The following CSMD1 variants were observed in gnomAD, a reference collection of about 807,000 sequenced individuals.
The protein encoded by CSMD1 is CUB and sushi domain-containing protein 1.
CSMD1 carries 213 observed loss-of-function variants against 417.5 expected under a neutral mutation model. That is an observed-to-expected ratio of 0.51 (90% CI 0.46 to 0.57). The LOEUF (loss-of-function observed/expected upper bound fraction) is 0.57. Ranked by LOEUF, CSMD1 falls within the 20% of genes least tolerant of loss-of-function variation. The pLI, the probability that CSMD1 is intolerant of heterozygous loss-of-function variation, is 0.00. For synonymous variants in CSMD1, 2,862 were observed against 1,736.8 expected (o/e 1.65, Z -16.11); for missense variants, 6,923 against 4,529.7 (o/e 1.53, Z -15.17).
At position 4,623,997 on chromosome 8, in the gene CSMD1, C is replaced by A. The variant is rs1472525369; in HGVS notation, c.302+13345G>T. On this transcript the variant is annotated intron_variant, in intron 2 of 69. Transcript: ENST00000635120. ...GCACTTTATTGGTTACTAAATATAC[C>A]TTTAAATGTGAATAATTGTAACTAA... 7.2e-5 allele frequency among the ~76,000 whole-genome samples: 11 copies of A among 151,992 alleles called. No homozygotes were observed. The East Asian group carries it at 1.7e-3, about 24-fold the overall frequency.
intron 3 of CSMD1, among the ~76,000 whole-genome samples, chr8:4,339,060 T>C (rs766179131): frequency 1.1e-4 from 17 of 152,086 alleles, no homozygotes; most frequent in Non-Finnish European, 2.4e-4. Flanking sequence ...CCGGGAACTA[T>C]TGCTTGGGTA....
chr8:4,806,821 A>T (rs760213219), intron 1 of CSMD1, among the ~76,000 whole-genome samples: 21 of 152,164 alleles, frequency 1.4e-4, no homozygotes, highest in Non-Finnish European at 2.9e-4. Flanking sequence ...AATTTGAGGG[A>T]AGCAGTAAAA....
chr8:4,520,192 G>A (rs546996323), intron 2 of CSMD1, among the ~76,000 whole-genome samples: 1 of 152,104 alleles, frequency 6.6e-6, no homozygotes, highest in Non-Finnish European at 1.5e-5. Context: ...TCATAAAAAT[G>A]CAATATCGTG....
At chr8:3,671,000 G>T (rs111205008) in intron 7 of CSMD1, among the ~76,000 whole-genome samples, 1,239 of 109,640 alleles carry the variant, frequency 0.011, 121 homozygotes, top group African/African-American at 0.042. Context: ...GGATATATAT[G>T]TATGGGATAT....
intron 3 of CSMD1, among the ~76,000 whole-genome samples, chr8:4,222,842 C>A (rs933561526): frequency 4.6e-5 from 7 of 152,000 alleles, no homozygotes; most frequent in African/African-American, 1.7e-4. Context: ...GCTGAAAATA[C>A]CATGAGGACA....
At chr8:4,901,321 A>T (rs1176010894) in intron 1 of CSMD1, among the ~76,000 whole-genome samples, 1 of 152,218 alleles carries the variant, frequency 6.6e-6, no homozygotes, top group Admixed American at 6.5e-5. Flanking sequence ...TGTCATCTGA[A>T]CACAAAATTT....
intron 3 of CSMD1, among the ~76,000 whole-genome samples, chr8:4,091,877 G>C (rs139252613): frequency 2.0e-5 from 3 of 152,118 alleles, no homozygotes; most frequent in Non-Finnish European, 4.4e-5. Context: ...ATTAGACTCC[G>C]CATTGTAAGA....
chr8:4,883,016 C>T (rs1803509688), intron 1 of CSMD1, among the ~76,000 whole-genome samples: 1 of 152,054 alleles, frequency 6.6e-6, no homozygotes, highest in Admixed American at 6.5e-5. Context: ...GCTGAGAGCT[C>T]CTTTCCACAA....
At chr8:3,704,905 G>A (rs941783708) in intron 7 of CSMD1, 19 of 152,222 alleles carry the variant, frequency 1.2e-4, no homozygotes, top group African/African-American at 4.6e-4. Flanking sequence ...ACTTTGGGTG[G>A]ATCTGATATA....
At chr8:3,774,988 C>T (rs530314242) in intron 5 of CSMD1, among the ~76,000 whole-genome samples, 4 of 151,896 alleles carry the variant, frequency 2.6e-5, no homozygotes, top group South Asian at 2.1e-4. Context: ...GACACAGGGG[C>T]GATTCCCACT....
intron 1 of CSMD1, among the ~76,000 whole-genome samples, chr8:4,874,395 T>TTG (rs1463877583): frequency 6.7e-6 from 1 of 149,924 alleles, no homozygotes; most frequent in Non-Finnish European, 1.5e-5. Context: ...TGTATTTTTT[T>TTG]TTTTTTTTTT....
chr8:4,621,940 T>G (rs1801801527), intron 2 of CSMD1, among the ~76,000 whole-genome samples: 1 of 152,030 alleles, frequency 6.6e-6, no homozygotes, highest in East Asian at 1.9e-4. Flanking sequence ...TACTACCATT[T>G]TAATTGATGC....
chr8:3,661,940 G>C (rs888435033), intron 7 of CSMD1, among the ~76,000 whole-genome samples: 1 of 152,188 alleles, frequency 6.6e-6, no homozygotes, highest in Non-Finnish European at 1.5e-5. Context: ...GTAAGATTGA[G>C]GGAAGAGAGA....
At chr8:4,761,903 CTAT>C (rs1812122486) in intron 1 of CSMD1, among the ~76,000 whole-genome samples, 2 of 98,234 alleles carry the variant, frequency 2.0e-5, no homozygotes, top group South Asian at 3.6e-4. Context: ...ACCTATCTAT[CTAT>C]CTATCAATCT....
intron 26 of CSMD1, among the ~76,000 whole-genome samples, chr8:3,248,598 C>G (rs187913181): frequency 3.6e-5 from 5 of 138,588 alleles, no homozygotes; most frequent in African/African-American, 1.3e-4. Context: ...GGCGCGATCT[C>G]AGCTCACTGC....
intron 3 of CSMD1, among the ~76,000 whole-genome samples, chr8:4,253,185 C>T (rs570783078): frequency 5.3e-5 from 8 of 152,150 alleles, no homozygotes; most frequent in African/African-American, 1.7e-4. Context: ...CTGGTCTATT[C>T]TCCTCTTCTA....
chr8:3,768,195 A>C (rs905741972), intron 5 of CSMD1, among the ~76,000 whole-genome samples: 5 of 152,164 alleles, frequency 3.3e-5, no homozygotes, highest in African/African-American at 1.2e-4. Flanking sequence ...ATCTTTAGGA[A>C]GAGTGGTTCC....
chr8:3,558,055 CTGA>C (rs34002407), intron 10 of CSMD1, among the ~76,000 whole-genome samples: 4,212 of 146,874 alleles, frequency 0.029, 208 homozygotes, highest in African/African-American at 0.1. Context: ...GTCCACTCCT[CTGA>C]TGATGAATAG....
rs201300571 is a variant in CSMD1 at position 3,396,261 on chromosome 8, G to A, written c.2526C>T (p.Asn842=). The A allele has an allele frequency of 1.9e-6, 3 of 1,586,956 alleles. No individual in the cohort carries two copies. The highest frequency in any genetic ancestry group is 2.7e-5 in the African/African-American group (2 of 74,470). ...QAPQFLISTG[N]FMYLLFTTDN... The stretch of plus-strand genomic sequence containing the variant: ...CAGTGGTGAACAGCAGGTACATGAA[G>A]TTCCCGGTGCTGATGAGGAACTGGG... The change falls in exon 17 of 70, where the codon AAC becomes AAT. Residue 842 remains asparagine (N), a synonymous_variant. Transcript: ENST00000635120.
Sources: allele counts gnomAD v4.1 joint callset (sites outside exome capture counted in the v4.1 genomes callset), GRCh38; gene constraint gnomAD v4.1.1; transcripts MANE v1.5; gene names NCBI Gene and HGNC (gene_info 2026-07-23, HGNC 2026-07-21).